The following SYCP2 variants were observed in gnomAD, a reference collection of about 807,000 sequenced individuals.
SYCP2 encodes synaptonemal complex protein 2.
SYCP2 carries 55 observed loss-of-function variants against 211.3 expected under a neutral mutation model. The ratio of observed to expected loss-of-function variants is 0.26; its 90% CI spans 0.21 to 0.33. The LOEUF is 0.33. Ranked by LOEUF, SYCP2 falls within the 10% of genes least tolerant of loss-of-function variation. The pLI, the probability that SYCP2 is intolerant of heterozygous loss-of-function variation, is 1.00. For missense variants in SYCP2, 1,731 were observed against 1,752.0 expected, an observed-to-expected ratio of 0.99 and a Z score of 0.21; for synonymous variants, 570 against 555.2, an observed-to-expected ratio of 1.03 and a Z score of -0.37.
Position 59,869,819 on chromosome 20 carries a change from A to C in SYCP2, c.3720T>G (p.Asn1240Lys), listed in dbSNP as rs753734963. ...MEIESPHINE[N>K]YIQSKREESH... ...TTACCTCTCTTTTGCTTTGTATATA[A>C]TTTTCATTGATATGTGGAGATTCAA... Residue 1240 changes from asparagine (N) to lysine (K), a missense_variant, in exon 36 of 45, where the codon AAT (asparagine) becomes AAG (lysine). Asn to Lys is a moderately conservative substitution (Grantham distance 94). Coordinates refer to ENST00000357552, the MANE Select transcript of SYCP2 (RefSeq NM_014258.4). The C allele has an allele frequency of 8.1e-6, 13 of 1,604,568 alleles. No homozygotes were observed. In the Admixed American group the frequency reaches 2.2e-4, roughly 27 times the overall value.
rs749713491 is a variant in SYCP2, at chr20:59,868,574, G to GAAC, written c.3833-9_3833-7dup. On this transcript the variant is annotated splice_region_variant and splice_polypyrimidine_tract_variant and intron_variant, in intron 37 of 44. Transcript: ENST00000357552. ...ACTAAGATGTTGGGTGGGGCCTTAG[G>GAAC]AACAGTTAAAGAAAGTTAAAAGCGC... 5.7e-6 allele frequency: 9 copies of GAAC among 1,583,050 alleles called. No individual in the cohort carries two copies. The highest frequency in any genetic ancestry group is 1.2e-5 in the South Asian group (1 of 84,234).
At chr20:59,887,802 AAG>A (rs967622126) in intron 24 of SYCP2, among the ~76,000 whole-genome samples, 8 of 149,432 alleles carry the variant, frequency 5.4e-5, no homozygotes, top group Non-Finnish European at 8.8e-5. Flanking sequence ...ACTAAGAAGA[AAG>A]AGAAAAAAAA....
At chr20:59,897,535 G>A (rs1229032152) in intron 18 of SYCP2, among the ~76,000 whole-genome samples, 1 of 152,104 alleles carries the variant, frequency 6.6e-6, no homozygotes, top group Non-Finnish European at 1.5e-5. Context: ...AGATTCAACA[G>A]ATTTAAGGTG....
chr20:59,901,680 A>G lies in SYCP2; in HGVS notation c.1164T>C (p.Phe388=), dbSNP rs757681215. Residue 388 remains phenylalanine (F), a synonymous_variant, in exon 16 of 45, where the codon TTT becomes TTC. Transcript: ENST00000357552. ...GACTTACCCTATGTTTAGTTGCACC[A>G]AAAATTTTTTGAGTTACATTAGTGA... ...LEITNVTQKI[F]GATKHRESIR... is the part of the protein sequence containing the mutation. 6.4e-7 allele frequency: 1 copy of G among 1,568,748 alleles called. No homozygotes were observed. Among genetic ancestry groups the G allele is most frequent in the Admixed American group, 1.8e-5 (1 of 55,682 alleles).
intron 35 of SYCP2, among the ~76,000 whole-genome samples, chr20:59,871,700 T>A (rs1053277745): frequency 2.6e-5 from 4 of 151,958 alleles, no homozygotes; most frequent in African/African-American, 9.7e-5. Context: ...GGTTCAGTAT[T>A]TGCATATAAC....
intron 15 of SYCP2, among the ~76,000 whole-genome samples, chr20:59,903,904 A>G (rs1309584544): frequency 6.6e-6 from 1 of 152,160 alleles, no homozygotes; most frequent in Non-Finnish European, 1.5e-5. Context: ...GCAGGCTAAT[A>G]TCCTGTTTTA....
intron 1 of SYCP2, among the ~76,000 whole-genome samples, 158 bp from the exon 2 acceptor site, chr20:59,932,312 G>C (rs1484372568): frequency 6.6e-6 from 1 of 152,142 alleles, no homozygotes; most frequent in Non-Finnish European, 1.5e-5. Flanking sequence ...AACTAACATA[G>C]CTAAGGTGTC....
At chr20:59,881,353 T>C in intron 29 of SYCP2, 84 bp downstream of exon 29, 1 of 747,976 alleles carries the variant, frequency 1.3e-6, no homozygotes, top group Non-Finnish European at 2.2e-6. Flanking sequence ...ACTCTTCTCA[T>C]TTGTTAAAAA....
At chr20:59,886,349 ACT>A (rs965906613) in intron 25 of SYCP2, among the ~76,000 whole-genome samples, 45 of 152,094 alleles carry the variant, frequency 3.0e-4, no homozygotes, top group African/African-American at 1.0e-3. Context: ...CTACAAAAAA[ACT>A]CATATCTGGT....
At chr20:59,910,855 A>C (rs977174644) in intron 14 of SYCP2, among the ~76,000 whole-genome samples, 18 of 152,076 alleles carry the variant, frequency 1.2e-4, no homozygotes, top group African/African-American at 3.9e-4. Context: ...TGCAGGAGAA[A>C]TATACTAATG....
chr20:59,914,024 A>G lies in SYCP2; in HGVS notation c.781T>C (p.Cys261Arg). 1 of 1,595,134 alleles carries G rather than the reference A, an allele frequency of 6.3e-7. No individual in the cohort carries two copies. Among genetic ancestry groups the G allele is most frequent in the Non-Finnish European group, 8.5e-7 (1 of 1,171,318 alleles). Reference protein sequence around the residue: ...RIKDSEFETDCRIFLNLVNGM... With the variant: ...RIKDSEFETDRRIFLNLVNGM... Reference sequence around the variant, plus strand: ...TTTACAAGGTTGAGAAATATCCTGCAATCCTAATTTTAAAGAGAAATACTT... The same window carrying G: ...TTTACAAGGTTGAGAAATATCCTGCGATCCTAATTTTAAAGAGAAATACTT... The change falls in exon 12 of 45, where the codon TGC (cysteine) becomes CGC (arginine). Residue 261 changes from cysteine to arginine, a missense_variant. Around this residue, in one of 3 missense-constraint regions of SYCP2, gnomAD observed 335 missense variants for 378.8 expected, o/e 0.88. Coordinates refer to ENST00000357552, the MANE Select transcript of SYCP2 (RefSeq NM_014258.4).
At chr20:59,889,937 G>A (rs922349352) in intron 24 of SYCP2, among the ~76,000 whole-genome samples, 16 of 152,250 alleles carry the variant, frequency 1.1e-4, no homozygotes, top group Non-Finnish European at 1.8e-4. Context: ...GGAGAAATAG[G>A]AATGCTTTTA....
intron 14 of SYCP2, among the ~76,000 whole-genome samples, chr20:59,909,736 T>C (rs1022346083): frequency 7.9e-5 from 12 of 152,222 alleles, no homozygotes; most frequent in African/African-American, 2.7e-4. Context: ...CCAACAAACA[T>C]GAGCCACTGA....
At chr20:59,917,840 A>G (rs2060471563) in intron 7 of SYCP2, among the ~76,000 whole-genome samples, 1 of 152,172 alleles carries the variant, frequency 6.6e-6, no homozygotes, top group Admixed American at 6.6e-5. Context: ...ACTATTGAAA[A>G]TTTGTTCCAT....
chr20:59,902,540 G>GA (rs2060134290), intron 15 of SYCP2, among the ~76,000 whole-genome samples: 1 of 152,078 alleles, frequency 6.6e-6, no homozygotes, highest in African/African-American at 2.4e-5. Flanking sequence ...TCGGGCAAGA[G>GA]AAAAACACTC....
chr20:59,881,328 C>A, intron 29 of SYCP2, 109 bp downstream of exon 29: 1 of 649,258 alleles, frequency 1.5e-6, no homozygotes, highest in Non-Finnish European at 2.6e-6. Context: ...GTAATAATGA[C>A]TAGCATTTTT....
At chr20:59,915,143 G>C (rs1568974895) in intron 10 of SYCP2, 22 bp downstream of exon 10, 2 of 1,476,232 alleles carry the variant, frequency 1.4e-6, no homozygotes, top group Admixed American at 1.7e-5. Context: ...AATAATTTTA[G>C]ATTTGGAAAA....
intron 39 of SYCP2, 96 bp downstream of exon 39, chr20:59,867,615 T>G: frequency 9.3e-7 from 1 of 1,080,206 alleles, no homozygotes; most frequent in Non-Finnish European, 1.3e-6. Flanking sequence ...AATGGATATT[T>G]TGTTGCCAAA....
At chr20:59,902,349 G>T (rs1338653303) in intron 15 of SYCP2, among the ~76,000 whole-genome samples, 1 of 152,032 alleles carries the variant, frequency 6.6e-6, no homozygotes, top group South Asian at 2.1e-4. Context: ...AGAGAATACA[G>T]CAAGTACCAG....
Sources: gnomAD v4.1 joint callset for allele counts (sites outside exome capture counted in the v4.1 genomes callset) on GRCh38, gnomAD v4.1.1 for gene constraint, gnomAD v4.1.1 regional missense constraint, MANE v1.5 for transcripts, NCBI Gene and HGNC (gene_info 2026-07-23, HGNC 2026-07-21) for gene names.